Variants in PTBP3 observed in about 807,000 individuals in gnomAD.
PTBP3 encodes polypyrimidine tract-binding protein 3.
A neutral mutation model predicts 58.7 loss-of-function variants in PTBP3; 20 were observed. That is an observed-to-expected ratio of 0.34 (90% CI 0.24 to 0.50). The LOEUF (loss-of-function observed/expected upper bound fraction) is 0.50, where lower values mean the gene tolerates loss of function less well. Among genes scored for constraint, PTBP3 ranks in the 20% least tolerant of loss-of-function variants. The probability of loss-of-function intolerance (pLI) is 0.98; values close to 1 mark genes in which losing one functional copy is unlikely to be tolerated. For synonymous variants in PTBP3, 185 were observed against 219.8 expected, an observed-to-expected ratio of 0.84 and a Z score of 1.40; for missense variants, 509 against 637.2, an observed-to-expected ratio of 0.80 and a Z score of 2.17.
intron 1 of PTBP3, among the ~76,000 whole-genome samples, chr9:112,307,867 G>A (rs534649133): frequency 3.3e-5 from 5 of 152,326 alleles, no homozygotes; most frequent in Non-Finnish European, 7.4e-5. Flanking sequence ...TGCAGCCCAT[G>A]GGCCACATGC....
intron 7 of PTBP3, among the ~76,000 whole-genome samples, chr9:112,235,402 T>C (rs747719537): frequency 1.1e-4 from 17 of 152,166 alleles, no homozygotes; most frequent in Non-Finnish European, 2.2e-4. Context: ...TCAGAGAAGT[T>C]TTCACTGGAG....
intron 2 of PTBP3, among the ~76,000 whole-genome samples, chr9:112,278,678 C>T (rs1827727703): frequency 6.6e-6 from 1 of 152,134 alleles, no homozygotes; most frequent in Non-Finnish European, 1.5e-5. Context: ...GTTAATTGTT[C>T]CGTATTATAA....
In PTBP3 at chr9:112,249,823, A is replaced by ATT. The variant is rs11438998; in HGVS notation, c.802+1104_802+1105dup. Among the ~76,000 whole-genome samples the ATT allele has an allele frequency of 4.2e-3, 629 of 148,650 alleles. 2 individuals carry two copies. The highest frequency in any genetic ancestry group is 8.6e-3 in the East Asian group (44 of 5,100). ...TTGGCAAACTTTAATTTGCCCCAGT[A>ATT]TTTTTTTTTTTGCACCAAATATTTC... On this transcript the variant is annotated intron_variant, in intron 7 of 13. Transcript: ENST00000374257.
Position 112,252,772 on chromosome 9 carries a change from C to A in PTBP3, c.533G>T (p.Gly178Val). 6.2e-7 allele frequency: 1 copy of A among 1,601,190 alleles called. No individual in the cohort carries two copies. The highest frequency in any genetic ancestry group is 8.5e-7 in the Non-Finnish European group (1 of 1,170,216). ...EVLHQIFSKFGTVLKIITFTK... is the reference protein window; with the variant it reads ...EVLHQIFSKFVTVLKIITFTK... ...AAAGGTGATAATCTTCAAGACTGTG[C>A]CAAATTTAGAAAATATCTGGAAAAC... The change falls in exon 6 of 14, where the codon GGC (glycine) becomes GTC (valine). Residue 178 changes from glycine (G) to valine (V), a missense_variant. This residue lies in a region of PTBP3 where 212 missense variants were observed against 215.3 expected (regional missense o/e 0.98). Transcript: ENST00000374257.
At chr9:112,374,055 G>A in the PTBP3 span, among the ~76,000 whole-genome samples, 2 of 151,966 alleles carry the variant, frequency 1.3e-5, no homozygotes, top group East Asian at 3.9e-4. Context: ...TGCTTGGATT[G>A]GGCTGCTGTA....
chr9:112,224,530 G>A (rs1443474902), intron 12 of PTBP3, among the ~76,000 whole-genome samples: 1 of 152,202 alleles, frequency 6.6e-6, no homozygotes, highest in Non-Finnish European at 1.5e-5. Flanking sequence ...ACTGGCTTTA[G>A]TAATCAACTG....
intron 12 of PTBP3, 61 bp downstream of exon 12, chr9:112,227,350 C>G (rs1589794702): frequency 6.4e-7 from 1 of 1,552,630 alleles, no homozygotes; most frequent in East Asian, 2.3e-5. Context: ...TTAACCTCTC[C>G]TACATCACAT....
At chr9:112,274,521 A>T (rs1325521800) in intron 3 of PTBP3, among the ~76,000 whole-genome samples, 1 of 152,202 alleles carries the variant, frequency 6.6e-6, no homozygotes, top group Non-Finnish European at 1.5e-5. Flanking sequence ...ACAAGAGGAC[A>T]TACAATTATT....
intron 5 of PTBP3, among the ~76,000 whole-genome samples, chr9:112,261,253 C>A (rs946732514): frequency 2.0e-5 from 3 of 152,126 alleles, no homozygotes; most frequent in African/African-American, 7.2e-5. Context: ...TTCACAAATG[C>A]ATATGTTTTA....
chr9:112,314,644 G>A (rs929258959), intron 1 of PTBP3, among the ~76,000 whole-genome samples: 13 of 152,036 alleles, frequency 8.6e-5, no homozygotes, highest in Admixed American at 4.6e-4. Flanking sequence ...GCTAGAGAGC[G>A]AGACCCTGTC....
rs115481191 is a variant in PTBP3, at chr9:112,313,270, T to C, written c.-51-15354A>G. ...CCCGGGCTGGACTGCAGTGATGTAA[T>C]CACAGCTCACAGTAACCTCCTCTCA... On this transcript the variant is annotated intron_variant, in intron 1 of 13. Transcript: ENST00000374257. 3.4e-3 allele frequency among the ~76,000 whole-genome samples: 514 copies of C among 152,288 alleles called. 5 individuals carry two copies. The highest frequency in any genetic ancestry group is 0.012 in the African/African-American group (479 of 41,568).
At position 112,222,048 on chromosome 9, in the gene PTBP3, G is replaced by A. The variant is rs1351522574; in HGVS notation, c.*1803C>T. 3.1e-6 allele frequency: 3 copies of A among 959,166 alleles called. No individual in the cohort carries two copies. Among genetic ancestry groups the A allele is most frequent in the South Asian group, 4.8e-5 (1 of 20,682 alleles). 59.4% of individuals were successfully genotyped at this position (959,166 alleles called of 1,614,324 possible). A position where few individuals can be genotyped will look rare whatever the true frequency, so the allele number is the denominator to read the frequency against. On this transcript the variant is annotated 3_prime_UTR_variant, in exon 14 of 14. Coordinates refer to ENST00000374257, the MANE Select transcript of PTBP3 (RefSeq NM_001163788.4). ...CCTGCCTGTAGCCTCCTGCCTACAGGCTCAGCCTGTAGCTGGGACTACAGG... is the reference window on the plus strand; with the variant it reads ...CCTGCCTGTAGCCTCCTGCCTACAGACTCAGCCTGTAGCTGGGACTACAGG...
intron 2 of PTBP3, among the ~76,000 whole-genome samples, chr9:112,284,960 T>TA (rs35635006): frequency 0.84 from 127,806 of 152,072 alleles, 53,999 homozygotes; most frequent in African/African-American, 0.92. Flanking sequence ...ACTTTTGGGT[T>TA]ATGTTGGAAT....
At chr9:112,227,350 C>T in intron 12 of PTBP3, 61 bp downstream of exon 12, 1 of 1,552,630 alleles carries the variant, frequency 6.4e-7, no homozygotes, top group South Asian at 1.1e-5. Context: ...TTAACCTCTC[C>T]TACATCACAT....
At chr9:112,218,017 G>GTA (rs1834680378), downstream of PTBP3, 1 of 152,200 alleles carries the variant, frequency 6.6e-6, no homozygotes, top group Non-Finnish European at 1.5e-5. Flanking sequence ...CAAAGTGTAT[G>GTA]TATACTAATG....
chr9:112,307,248 T>C (rs1587867719), intron 1 of PTBP3, among the ~76,000 whole-genome samples: 1 of 152,070 alleles, frequency 6.6e-6, no homozygotes, highest in East Asian at 1.9e-4. Flanking sequence ...AGCTCAGGAG[T>C]TCGAGACCAG....
At chr9:112,286,351 T>G (rs1828113681) in intron 2 of PTBP3, among the ~76,000 whole-genome samples, 1 of 152,208 alleles carries the variant, frequency 6.6e-6, no homozygotes, top group African/African-American at 2.4e-5. Flanking sequence ...TTTTTTCTAT[T>G]TGTCCCATTT....
chr9:112,299,325 G>C (rs1164063385), intron 1 of PTBP3, among the ~76,000 whole-genome samples: 1 of 151,850 alleles, frequency 6.6e-6, no homozygotes, highest in Non-Finnish European at 1.5e-5. Context: ...ATTTTTTCAA[G>C]AATAACAAAA....
At chr9:112,283,271 G>A (rs1011272824) in intron 2 of PTBP3, among the ~76,000 whole-genome samples, 1 of 152,184 alleles carries the variant, frequency 6.6e-6, no homozygotes, top group Non-Finnish European at 1.5e-5. Context: ...GAACAGTTTG[G>A]AGGGCTCAGA....
Sources: gnomAD v4.1 joint callset for allele counts (sites outside exome capture counted in the v4.1 genomes callset) on GRCh38, gnomAD v4.1.1 for gene constraint, gnomAD v4.1.1 regional missense constraint, MANE v1.5 for transcripts, NCBI Gene and HGNC (gene_info 2026-07-23, HGNC 2026-07-21) for gene names.